Variants in ME2 observed in about 807,000 individuals in gnomAD.
The protein encoded by ME2 is NAD-dependent malic enzyme, mitochondrial.
In ME2, 60 loss-of-function variants were observed where a neutral mutation model predicts 73.7. The observed-to-expected ratio is 0.81, with a 90% CI of 0.66 to 1.01. ME2 has a LOEUF of 1.01. ME2 is among the 50% of genes least tolerant of loss of function. The probability of loss-of-function intolerance (pLI) is 0.00; values close to 1 mark genes in which losing one functional copy is unlikely to be tolerated. For missense variants in ME2, 594 were observed against 705.5 expected (o/e 0.84, Z 1.79); for synonymous variants, 199 against 236.9 (o/e 0.84, Z 1.47).
At chr18:50,906,724 A>G (rs889322486) in intron 2 of ME2, among the ~76,000 whole-genome samples, 28 of 152,222 alleles carry the variant, frequency 1.8e-4, no homozygotes, top group African/African-American at 6.8e-4. Context: ...GCTTGGAACT[A>G]GTAAATTTCC....
At chr18:50,930,223 G>GT (rs1351399782) in intron 12 of ME2, among the ~76,000 whole-genome samples, 15 of 152,076 alleles carry the variant, frequency 9.9e-5, no homozygotes, top group African/African-American at 3.6e-4. Flanking sequence ...TCGTGCCACT[G>GT]AACTCCAGCC....
chr18:50,889,922 A>G (rs934460804), intron 1 of ME2, among the ~76,000 whole-genome samples: 1 of 152,224 alleles, frequency 6.6e-6, no homozygotes, highest in Non-Finnish European at 1.5e-5. Flanking sequence ...GATGTAATTT[A>G]GAATTTGAAA....
At chr18:50,892,418 T>C (rs1188165009) in intron 1 of ME2, among the ~76,000 whole-genome samples, 1 of 152,240 alleles carries the variant, frequency 6.6e-6, no homozygotes, top group Non-Finnish European at 1.5e-5. Flanking sequence ...TTGGAATTTT[T>C]GTTGGAATTG....
At position 50,950,154 on chromosome 18, in the gene ME2, C is replaced by T. The variant is rs1918188636; in HGVS notation, c.*2970C>T. ...CTGTTGTATGGAACAAATTGGATTACTAGCAAGGGTAAGGTTTATTGACAA... is the reference window on the plus strand; with the variant it reads ...CTGTTGTATGGAACAAATTGGATTATTAGCAAGGGTAAGGTTTATTGACAA... On this transcript the variant is annotated 3_prime_UTR_variant, in exon 16 of 16. Transcript: ENST00000321341. 6.6e-6 allele frequency: 1 copy of T among 152,204 alleles called. No homozygotes were observed. Among genetic ancestry groups the T allele is most frequent in the African/African-American group, 2.4e-5 (1 of 41,444 alleles). The allele number at this position is 152,204 out of a possible 1,614,324, so 9.4% of individuals were successfully genotyped here. A position where few individuals can be genotyped will look rare whatever the true frequency, so the allele number is the denominator to read the frequency against.
intron 15 of ME2, 139 bp downstream of exon 15, chr18:50,940,525 A>G: frequency 1.6e-6 from 1 of 628,836 alleles, no homozygotes; most frequent in Non-Finnish European, 2.8e-6. Context: ...TACTACCAGA[A>G]TATAACACAC....
intron 3 of ME2, among the ~76,000 whole-genome samples, chr18:50,909,178 G>A (rs1917089767): frequency 6.6e-6 from 1 of 151,562 alleles, no homozygotes; most frequent in Non-Finnish European, 1.5e-5. Context: ...TGCCCAGGCT[G>A]GTTTTGAACT....
At position 50,917,518 on chromosome 18, in the gene ME2, A is replaced by T. The variant is rs148473421; in HGVS notation, c.630+10A>T. The T allele has an allele frequency of 1.3e-6, 2 of 1,547,994 alleles. No homozygotes were observed. Among genetic ancestry groups the T allele is most frequent in the African/African-American group, 1.3e-5 (1 of 74,220 alleles). On this transcript the variant is annotated intron_variant, in intron 6 of 15. Coordinates refer to ENST00000321341, the MANE Select transcript of ME2 (RefSeq NM_002396.5). ...GGGAACTGATAATATCGTGAGTAACATCATTTTCCCCCTTTATCTTCCTCC... is the reference window on the plus strand; with the variant it reads ...GGGAACTGATAATATCGTGAGTAACTTCATTTTCCCCCTTTATCTTCCTCC...
At chr18:50,884,842 T>TTGTGTG (rs10599201) in intron 1 of ME2, among the ~76,000 whole-genome samples, 2 of 150,556 alleles carry the variant, frequency 1.3e-5, no homozygotes, top group African/African-American at 4.9e-5. Flanking sequence ...TTGTGTGTGT[T>TTGTGTG]TGTGTGTGTG....
chr18:50,921,281 G>C, intron 10 of ME2, 94 bp downstream of exon 10: 1 of 612,860 alleles, frequency 1.6e-6, no homozygotes, highest in East Asian at 3.2e-5. Flanking sequence ...TTTCTCATTG[G>C]AGTCTCCAAA....
At chr18:50,919,664 G>T (rs550909039) in intron 7 of ME2, among the ~76,000 whole-genome samples, 1 of 152,016 alleles carries the variant, frequency 6.6e-6, no homozygotes, top group Non-Finnish European at 1.5e-5. Flanking sequence ...AGTTGCTTCT[G>T]CCACTCCCGT....
At chr18:50,897,649 T>C (rs550531936) in intron 2 of ME2, among the ~76,000 whole-genome samples, 47 of 151,948 alleles carry the variant, frequency 3.1e-4, no homozygotes, top group Admixed American at 2.7e-3. Flanking sequence ...TCACCTGAGG[T>C]TGGGAGTTCG....
At chr18:50,939,736 C>A in intron 14 of ME2, 96 bp downstream of exon 14, 2 of 745,676 alleles carry the variant, frequency 2.7e-6, no homozygotes, top group South Asian at 2.1e-5. Context: ...GTTAAATCTG[C>A]CTTATTAATG....
chr18:50,893,080 G>A (rs542718612), intron 1 of ME2, among the ~76,000 whole-genome samples: 5 of 139,936 alleles, frequency 3.6e-5, no homozygotes, highest in African/African-American at 5.6e-5. Flanking sequence ...AGCCAAGATC[G>A]TGCCATTGCA....
intron 15 of ME2, among the ~76,000 whole-genome samples, chr18:50,941,327 A>G (rs1226370940): frequency 6.9e-6 from 1 of 144,120 alleles, no homozygotes; most frequent in African/African-American, 2.6e-5. Flanking sequence ...TTACAGATAA[A>G]TCTTTGTGTG....
chr18:50,918,135 T>C lies in ME2; in HGVS notation c.656T>C (p.Met219Thr), dbSNP rs767904096. 2 of 1,599,560 alleles carry C rather than the reference T, an allele frequency of 1.3e-6. No homozygotes were observed. The highest frequency in any genetic ancestry group is 1.7e-5 in the Admixed American group (1 of 59,170). Residue 219 changes from methionine to threonine, a missense_variant, in exon 7 of 16, where the codon ATG becomes ACG. By Grantham distance (81) the Met-to-Thr change is moderately conservative. Transcript: ENST00000321341. ...GCACTCTTAAAAGACCCATTTTACA[T>C]GGGCTTGTACCAGAAACGAGATCGC... ...NIALLKDPFY[M>T]GLYQKRDRTQ...
At chr18:50,888,284 G>A (rs912533335) in intron 1 of ME2, among the ~76,000 whole-genome samples, 2 of 151,502 alleles carry the variant, frequency 1.3e-5, no homozygotes, top group East Asian at 1.9e-4. Flanking sequence ...GGTCGAGGCT[G>A]CAGTGAGCTG....
At chr18:50,933,798 G>C (rs916069246) in intron 13 of ME2, 7 of 152,046 alleles carry the variant, frequency 4.6e-5, no homozygotes, top group Non-Finnish European at 8.8e-5. Context: ...GTAGTTGTTT[G>C]ATCCTTACCC....
intron 1 of ME2, among the ~76,000 whole-genome samples, chr18:50,879,659 G>T (rs528975288): frequency 3.9e-5 from 6 of 152,226 alleles, no homozygotes; most frequent in Non-Finnish European, 7.3e-5. Flanking sequence ...CGCTCTTTCT[G>T]CACCCCTCCA....
At chr18:50,901,978 T>G (rs1916902464) in intron 2 of ME2, among the ~76,000 whole-genome samples, 2 of 152,244 alleles carry the variant, frequency 1.3e-5, no homozygotes, top group Admixed American at 6.5e-5. Context: ...CCAAGTATTC[T>G]TTTCAAGATG....
Sources: gnomAD v4.1 joint callset for allele counts (sites outside exome capture counted in the v4.1 genomes callset) on GRCh38, gnomAD v4.1.1 for gene constraint, MANE v1.5 for transcripts, NCBI Gene and HGNC (gene_info 2026-07-23, HGNC 2026-07-21) for gene names.